CEP135: variants seen among roughly 807,000 people sequenced by gnomAD.
The protein encoded by CEP135 is centrosomal protein of 135 kDa.
CEP135 carries 142 observed loss-of-function variants against 157.3 expected under a neutral mutation model. The ratio of observed to expected loss-of-function variants is 0.90; its 90% CI spans 0.79 to 1.04. The LOEUF (loss-of-function observed/expected upper bound fraction) is 1.04. CEP135 is among the 50% of genes least tolerant of loss of function. The pLI, the probability that CEP135 is intolerant of heterozygous loss-of-function variation, is 0.00. For synonymous variants in CEP135, 396 were observed against 439.8 expected (o/e 0.90, Z 1.25); for missense variants, 1,317 against 1,309.2 (o/e 1.01, Z -0.09).
rs1728622881 is a variant in CEP135, at chr4:55,959,733, G to A, written c.666G>A (p.Met222Ile). 6.2e-7 allele frequency: 1 copy of A among 1,614,022 alleles called. No individual in the cohort carries two copies. The highest frequency in any genetic ancestry group is 1.7e-5 in the Admixed American group (1 of 60,008). Residue 222 changes from methionine to isoleucine, a missense_variant, in exon 6 of 26, where the codon ATG (methionine) becomes ATA (isoleucine). Physicochemically the swap from Met to Ile is conservative, Grantham distance 10. Transcript: ENST00000257287. Reference protein sequence around the residue: ...EVHQLQEKLAMMESGVRDYSK... With the variant: ...EVHQLQEKLAIMESGVRDYSK... ...ACCAGCTACAAGAAAAGTTAGCAAT[G>A]ATGGAAAGTGGGGTGAGAGACTATA...
chr4:56,017,050 G>A (rs1210905163), intron 21 of CEP135, among the ~76,000 whole-genome samples: 1 of 151,710 alleles, frequency 6.6e-6, no homozygotes, highest in Non-Finnish European at 1.5e-5. Flanking sequence ...ATATCAGTTT[G>A]TATTTATTAC....
chr4:56,011,362 T>C, intron 19 of CEP135, 50 bp from the exon 20 acceptor site: 4 of 1,191,990 alleles, frequency 3.4e-6, no homozygotes, highest in Non-Finnish European at 4.9e-6. Context: ...AAATAAAATT[T>C]ATTTGGTGTT....
intron 15 of CEP135, among the ~76,000 whole-genome samples, chr4:55,993,202 C>T (rs1159574080): frequency 6.6e-6 from 1 of 152,096 alleles, no homozygotes; most frequent in Non-Finnish European, 1.5e-5. Context: ...TCACCCAGAA[C>T]TCCAAAGAAC....
intron 1 of CEP135, among the ~76,000 whole-genome samples, 191 bp downstream of exon 1, chr4:55,949,250 C>T (rs971935814): frequency 2.0e-5 from 3 of 151,858 alleles, no homozygotes; most frequent in Middle Eastern, 3.2e-3. Context: ...CGCTCCCACA[C>T]CCCCTTCCCG....
At chr4:56,011,666 T>C in intron 20 of CEP135, 134 bp from the exon 21 acceptor site, 2 of 962,990 alleles carry the variant, frequency 2.1e-6, no homozygotes, top group African/African-American at 1.7e-5. Flanking sequence ...TAGATTTTAG[T>C]GTGGTACCTG....
intron 7 of CEP135, chr4:55,965,156 A>C (rs935098709): frequency 1.3e-5 from 2 of 152,374 alleles, no homozygotes; most frequent in Non-Finnish European, 2.9e-5. Flanking sequence ...TAATTGTAAC[A>C]ATATATTTAC....
chr4:56,017,596 TA>T, intron 21 of CEP135, 51 bp from the exon 22 acceptor site: 1 of 1,458,548 alleles, frequency 6.9e-7, no homozygotes, highest in South Asian at 1.4e-5. Context: ...TTCAAGTTCT[TA>T]AAATTATTGG....
chr4:55,959,690 A>C lies in CEP135; in HGVS notation c.623A>C (p.Glu208Ala). The change falls in exon 6 of 26, where the codon GAA becomes GCA. Residue 208 changes from glutamate to alanine, a missense_variant. Glu to Ala is a moderately radical substitution (Grantham distance 107, BLOSUM62 -1). Transcript: ENST00000257287. ...LLQVADNRIQ[E>A]LQQEVHQLQE... ...TTTAAAGTGCTTTTCAGGATTCAAG[A>C]ACTTCAACAGGAAGTCCACCAGCTA... is the stretch of plus-strand genomic sequence containing the variant. The C allele has an allele frequency of 1.9e-6, 3 of 1,613,884 alleles. No homozygotes were observed.
chr4:55,974,911 C>T lies in CEP135; in HGVS notation c.1415C>T (p.Ser472Phe). ...CTCCAACATATAATACAGCGAAGAT[C>T]TTGCTCTACAAGTTATAGCGCACGT... ...ERLQHIIQRR[S>F]CSTSYSAREK... The change falls in exon 11 of 26, where the codon TCT becomes TTT. Residue 472 changes from serine (S) to phenylalanine (F), a missense_variant. Physicochemically the swap from Ser to Phe is radical, Grantham distance 155. Coordinates refer to ENST00000257287, the MANE Select transcript of CEP135 (RefSeq NM_025009.5). The T allele has an allele frequency of 6.2e-7, 1 of 1,613,104 alleles. No individual in the cohort carries two copies. Among genetic ancestry groups the T allele is most frequent in the Non-Finnish European group, 8.5e-7 (1 of 1,179,512 alleles).
chr4:55,984,686 A>G (rs1729517633), intron 13 of CEP135, among the ~76,000 whole-genome samples: 1 of 152,240 alleles, frequency 6.6e-6, no homozygotes, highest in Non-Finnish European at 1.5e-5. Flanking sequence ...ATGAATAACA[A>G]GGATGGAAAT....
At chr4:55,992,239 A>T (rs1484185912) in intron 15 of CEP135, among the ~76,000 whole-genome samples, 154 bp downstream of exon 15, 1 of 152,162 alleles carries the variant, frequency 6.6e-6, no homozygotes, top group Non-Finnish European at 1.5e-5. Context: ...GAAAAGTATG[A>T]ATTTAAGGGG....
At chr4:55,982,936 A>G (rs1729461143) in intron 13 of CEP135, among the ~76,000 whole-genome samples, 1 of 152,170 alleles carries the variant, frequency 6.6e-6, no homozygotes, top group African/African-American at 2.4e-5. Flanking sequence ...TCCTAATATT[A>G]TGGAGTCCAT....
At position 56,031,783 on chromosome 4, in the gene CEP135, G is replaced by T. The variant is rs902237136; in HGVS notation, c.*435G>T. 6 of 151,988 alleles carry T rather than the reference G, an allele frequency of 3.9e-5. No homozygotes were observed. The highest frequency in any genetic ancestry group is 1.4e-4 in the African/African-American group (6 of 41,390). 9.4% of individuals were successfully genotyped at this position (151,988 alleles called of 1,614,324 possible). A position where few individuals can be genotyped will look rare whatever the true frequency, so the allele number is the denominator to read the frequency against. On this transcript the variant is annotated 3_prime_UTR_variant, in exon 26 of 26. Coordinates refer to ENST00000257287, the MANE Select transcript of CEP135 (RefSeq NM_025009.5). ...GACCATATCTTAATGTATTCACAAA[G>T]AATTATCAACTTTGATGCTATGCTG...
chr4:55,955,525 G>A (rs1159845823), intron 4 of CEP135, among the ~76,000 whole-genome samples: 2 of 152,206 alleles, frequency 1.3e-5, no homozygotes, highest in Admixed American at 6.5e-5. Flanking sequence ...CATGGGGACT[G>A]TGAGCAAAAG....
chr4:55,959,550 C>G, intron 5 of CEP135, 132 bp from the exon 6 acceptor site: 1 of 735,250 alleles, frequency 1.4e-6, no homozygotes, highest in Non-Finnish European at 2.3e-6. Context: ...TTTGGGGACC[C>G]TTTGGCACAG....
chr4:56,010,624 A>G (rs76540786), intron 19 of CEP135, among the ~76,000 whole-genome samples: 1 of 152,088 alleles, frequency 6.6e-6, no homozygotes, highest in Non-Finnish European at 1.5e-5. Context: ...GGTTTTAATT[A>G]TTTGTGCAAG....
At chr4:56,021,343 G>A (rs1730967436) in intron 24 of CEP135, among the ~76,000 whole-genome samples, 1 of 152,124 alleles carries the variant, frequency 6.6e-6, no homozygotes, top group Admixed American at 6.6e-5. Flanking sequence ...GTAAGTGGTA[G>A]GAAACCAAAC....
intron 10 of CEP135, among the ~76,000 whole-genome samples, chr4:55,973,328 T>G (rs927634105): frequency 1.3e-5 from 2 of 152,216 alleles, no homozygotes; most frequent in Non-Finnish European, 2.9e-5. Flanking sequence ...TCTTCCATTC[T>G]CCACGGGGGA....
At chr4:55,951,999 CT>C in intron 1 of CEP135, 86 bp from the exon 2 acceptor site, 1 of 501,802 alleles carries the variant, frequency 2.0e-6, no homozygotes, top group East Asian at 3.1e-5. Context: ...AAAATAATTG[CT>C]TCATATTAAA....
Sources: allele counts gnomAD v4.1 joint callset (sites outside exome capture counted in the v4.1 genomes callset), GRCh38; gene constraint gnomAD v4.1.1; transcripts MANE v1.5; gene names NCBI Gene and HGNC (gene_info 2026-07-23, HGNC 2026-07-21).